Variants in MATN2 observed in about 807,000 individuals in gnomAD.
MATN2 encodes the protein matrilin 2.
MATN2 carries 69 observed loss-of-function variants against 103.2 expected under a neutral mutation model. That is an observed-to-expected ratio of 0.67 (90% CI 0.55 to 0.82). The LOEUF is 0.82. Ranked by LOEUF, MATN2 falls within the 40% of genes least tolerant of loss-of-function variation. The pLI is 0.00. For missense variants in MATN2, 1,023 were observed against 1,211.5 expected (o/e 0.84, Z 2.31); for synonymous variants, 429 against 450.2 (o/e 0.95, Z 0.60).
intron 14 of MATN2, among the ~76,000 whole-genome samples, chr8:98,029,823 G>C (rs1325789675): frequency 7.9e-5 from 12 of 152,238 alleles, no homozygotes; most frequent in Non-Finnish European, 1.3e-4. Context: ...GTATATAGGG[G>C]AAGGGAGTCT....
intron 14 of MATN2, 59 bp downstream of exon 14, chr8:98,027,888 T>A: frequency 6.7e-7 from 1 of 1,488,170 alleles, no homozygotes; most frequent in Non-Finnish European, 9.0e-7. Flanking sequence ...TTAAACTCAC[T>A]CAGTGGTCTC....
rs1319353449 is a variant in MATN2, at chr8:98,007,222, G to C, written c.1445G>C (p.Cys482Ser). The C allele has an allele frequency of 3.7e-6, 6 of 1,613,908 alleles. No homozygotes were observed. The highest frequency in any genetic ancestry group is 5.1e-6 in the Non-Finnish European group (6 of 1,179,884). ...GFLINEDLKT[C>S]SRVDYCLLSD... ...CTCATCAACGAGGACCTCAAGACCT[G>C]CTCCCGTGAGTCCCTCCGCGCTCCT... is the stretch of plus-strand genomic sequence containing the variant. Residue 482 changes from cysteine to serine, a missense_variant, in exon 9 of 19, where the codon TGC (cysteine) becomes TCC (serine). Cys to Ser is a moderately radical substitution (Grantham distance 112). Transcript: ENST00000254898. The surrounding 1 kb of genome is among the most constrained non-coding windows in gnomAD (Gnocchi z 4.2).
chr8:97,876,960 T>C (rs1279902558), intron 1 of MATN2, among the ~76,000 whole-genome samples: 1 of 152,074 alleles, frequency 6.6e-6, no homozygotes. Context: ...CCACAGTTTT[T>C]CTGTACTATT....
intron 13 of MATN2, among the ~76,000 whole-genome samples, chr8:98,026,613 T>C (rs1384950503): frequency 6.6e-6 from 1 of 152,182 alleles, no homozygotes; most frequent in African/African-American, 2.4e-5. Flanking sequence ...TGCTACCCAA[T>C]GAACATCACC....
At chr8:97,881,240 C>A (rs1271099126) in intron 1 of MATN2, among the ~76,000 whole-genome samples, 1 of 152,240 alleles carries the variant, frequency 6.6e-6, no homozygotes, top group Non-Finnish European at 1.5e-5. Flanking sequence ...GATTGAGAAA[C>A]TTGGCTCCCA....
chr8:97,967,015 C>T (rs114170952), intron 5 of MATN2, among the ~76,000 whole-genome samples: 7 of 152,120 alleles, frequency 4.6e-5, no homozygotes, highest in Non-Finnish European at 7.3e-5. Flanking sequence ...AAGGTGAAGG[C>T]GGAGCAGGCA....
intron 2 of MATN2, among the ~76,000 whole-genome samples, chr8:97,923,223 C>T (rs1160340943): frequency 6.6e-6 from 1 of 151,894 alleles, no homozygotes; most frequent in Admixed American, 6.6e-5. Flanking sequence ...ACAGCTTCAA[C>T]TTTTCTCCCC....
At chr8:97,945,715 A>ATATAT (rs554472078) in intron 4 of MATN2, among the ~76,000 whole-genome samples, 2,648 of 71,608 alleles carry the variant, frequency 0.037, 30 homozygotes, top group South Asian at 0.09. Flanking sequence ...GAAAAAAAAA[A>ATATAT]AAATATATAT....
chr8:97,994,646 GCTC>G (rs1812510328), intron 7 of MATN2, 44 bp downstream of exon 7: 4 of 1,584,566 alleles, frequency 2.5e-6, no homozygotes, highest in Non-Finnish European at 3.4e-6. Flanking sequence ...TCTGCTAAAT[GCTC>G]CTCTAGTTAG....
chr8:97,871,058 G>A (rs1817879799), intron 1 of MATN2, among the ~76,000 whole-genome samples: 1 of 152,224 alleles, frequency 6.6e-6, no homozygotes, highest in South Asian at 2.1e-4. Context: ...AAGCTTGCTT[G>A]TTGGAGGTGT....
intron 2 of MATN2, among the ~76,000 whole-genome samples, chr8:97,899,569 G>A (rs1818918568): frequency 6.6e-6 from 1 of 152,094 alleles, no homozygotes; most frequent in Non-Finnish European, 1.5e-5. Context: ...TCTCCACGTG[G>A]TCTTTTCCCT....
chr8:98,010,803 C>CA, intron 10 of MATN2, among the ~76,000 whole-genome samples: 1 of 152,298 alleles, frequency 6.6e-6, no homozygotes, highest in South Asian at 2.1e-4. Flanking sequence ...CAGCCTAGGG[C>CA]ACTGGGGGAT....
intron 2 of MATN2, among the ~76,000 whole-genome samples, chr8:97,894,044 C>T (rs1818722133): frequency 6.6e-6 from 1 of 152,204 alleles, no homozygotes; most frequent in Admixed American, 6.5e-5. Context: ...TGGATCAATA[C>T]TACACACTCA....
chr8:97,995,141 C>T (rs756097562), intron 7 of MATN2, among the ~76,000 whole-genome samples: 29 of 152,188 alleles, frequency 1.9e-4, no homozygotes, highest in Non-Finnish European at 3.5e-4. Flanking sequence ...TCATCTAGCA[C>T]ATCAAAGGGC....
chr8:97,889,451 C>CTATA (rs1246305982), intron 2 of MATN2, among the ~76,000 whole-genome samples: 4 of 62,176 alleles, frequency 6.4e-5, no homozygotes, highest in South Asian at 1.6e-3. Context: ...CTCTCTCTCT[C>CTATA]TCTCTGTCTA....
At chr8:97,911,854 C>T (rs1279454076) in intron 2 of MATN2, among the ~76,000 whole-genome samples, 1 of 152,176 alleles carries the variant, frequency 6.6e-6, no homozygotes, top group Non-Finnish European at 1.5e-5. Context: ...CAGTGCAGCA[C>T]CAGGTGGGAA....
intron 2 of MATN2, among the ~76,000 whole-genome samples, chr8:97,901,332 A>G (rs74743944): frequency 0.04 from 5,997 of 151,552 alleles, 116 homozygotes; most frequent in Middle Eastern, 0.061. Flanking sequence ...GGTTCACTGT[A>G]ACCTCCGCCT....
At chr8:97,900,927 T>C (rs1186315814) in intron 2 of MATN2, among the ~76,000 whole-genome samples, 2 of 152,084 alleles carry the variant, frequency 1.3e-5, no homozygotes, top group Non-Finnish European at 2.9e-5. Flanking sequence ...AGAGCGAGAC[T>C]CTGTCCCCGC....
intron 1 of MATN2, among the ~76,000 whole-genome samples, chr8:97,879,571 T>G (rs941626770): frequency 7.9e-5 from 12 of 152,208 alleles, no homozygotes; most frequent in African/African-American, 2.9e-4. Flanking sequence ...TCAGGAGGCC[T>G]GGACAGGGGA....
Sources: allele counts gnomAD v4.1 joint callset (sites outside exome capture counted in the v4.1 genomes callset), GRCh38; gene constraint gnomAD v4.1.1; non-coding constraint Gnocchi (gnomAD v3.1); transcripts MANE v1.5; gene names NCBI Gene and HGNC (gene_info 2026-07-23, HGNC 2026-07-21).